CXADR: variants seen among roughly 807,000 people sequenced by gnomAD.
The protein encoded by CXADR is CXADR cell adhesion molecule, also known as coxsackievirus and adenovirus receptor.
In CXADR, 20 loss-of-function variants were observed where a neutral mutation model predicts 40.3. That is an observed-to-expected ratio of 0.50 (90% CI 0.35 to 0.72). CXADR has a LOEUF of 0.72. Among genes scored for constraint, CXADR ranks in the 30% least tolerant of loss-of-function variants. CXADR has a pLI of 0.01. For synonymous variants in CXADR, 150 were observed against 161.3 expected, an observed-to-expected ratio of 0.93 and a Z score of 0.53; for missense variants, 332 against 449.1, an observed-to-expected ratio of 0.74 and a Z score of 2.36.
downstream of CXADR, among the ~76,000 whole-genome samples, chr21:17,571,540 T>G (rs17833677): frequency 3.3e-5 from 5 of 152,162 alleles, no homozygotes; most frequent in African/African-American, 9.7e-5. Flanking sequence ...ATGAAGTAAC[T>G]TATTATTCAG....
intron 1 of CXADR, among the ~76,000 whole-genome samples, chr21:17,517,388 C>G (rs1021667615): frequency 7.2e-5 from 11 of 152,110 alleles, no homozygotes; most frequent in African/African-American, 2.7e-4. Flanking sequence ...ATAGTAAGAT[C>G]CAACCCAGAG....
rs576230651 is a variant in CXADR, at chr21:17,513,046, C to G, written c.-84C>G. 9.6e-6 allele frequency: 12 copies of G among 1,255,658 alleles called. No homozygotes were observed. The African/African-American group carries it at 1.9e-4, about 20-fold the overall frequency. The allele number at this position is 1,255,658 out of a possible 1,614,324, so 77.8% of individuals were successfully genotyped here. On this transcript the variant is annotated 5_prime_UTR_variant, in exon 1 of 7. Transcript: ENST00000284878. ...GGTGCCGCCGCCGCCGCGAGCCAGT[C>G]GGGAGCGCGCGAGGCGCGGGGAGCC...
Position 17,570,053 on chromosome 21 carries a change from C to G in CXADR, c.*4361C>G, listed in dbSNP as rs2061264514. On this transcript the variant is annotated 3_prime_UTR_variant, in exon 7 of 7. Transcript: ENST00000284878. ...AATTTGTTAAGAAAAACAACTTGCT[C>G]TAGTTTTGTGACCTTGTGTACTTTT... The G allele has an allele frequency of 1.0e-6, 1 of 985,278 alleles. No individual in the cohort carries two copies. Among genetic ancestry groups the G allele is most frequent in the Non-Finnish European group, 1.2e-6 (1 of 829,928 alleles). The allele number at this position is 985,278 out of a possible 1,614,324, so 61.0% of individuals were successfully genotyped here.
At chr21:17,521,046 C>T (rs916899355) in intron 1 of CXADR, among the ~76,000 whole-genome samples, 29 of 152,074 alleles carry the variant, frequency 1.9e-4, no homozygotes, top group African/African-American at 7.0e-4. Context: ...TGTTAGGTGG[C>T]GTCTGTATAA....
chr21:17,588,318 C>T (rs975933322), intron 7 of CXADR, among the ~76,000 whole-genome samples: 2 of 152,124 alleles, frequency 1.3e-5, no homozygotes, highest in Admixed American at 6.6e-5. Context: ...TATAAATTGC[C>T]TTGGGCAGTA....
At chr21:17,585,525 T>C (rs1221297106) in intron 7 of CXADR, among the ~76,000 whole-genome samples, 2 of 150,334 alleles carry the variant, frequency 1.3e-5, no homozygotes, top group African/African-American at 5.0e-5. Flanking sequence ...TGTTTAATTA[T>C]TATTTTTTTT....
At chr21:17,624,880 G>C in the CXADR span, among the ~76,000 whole-genome samples, 1 of 152,214 alleles carries the variant, frequency 6.6e-6, no homozygotes, top group African/African-American at 2.4e-5. Context: ...CCTTGCCCAG[G>C]TATCACCAGA....
intron 7 of CXADR, among the ~76,000 whole-genome samples, chr21:17,578,675 A>G (rs2061338513): frequency 6.6e-6 from 1 of 152,178 alleles, no homozygotes; most frequent in Non-Finnish European, 1.5e-5. Flanking sequence ...CAAAAAATAT[A>G]AAAATTAGCC....
intron 1 of CXADR, chr21:17,542,012 G>T: frequency 2.7e-6 from 1 of 365,594 alleles, no homozygotes; most frequent in Non-Finnish European, 5.3e-6. Context: ...TATTTTGCCT[G>T]AAACAATTAT....
In CXADR at chr21:17,575,169, T is replaced by A. The variant is rs559536351; in HGVS notation, c.1017+9558T>A. ...TGCTCCTGTTGGGAAGGCTTTTCTG[T>A]TTTTTGTTTTGTTTGGTTTTGTTTG... On this transcript the variant is annotated intron_variant, in intron 7 of 7. Coordinates refer to the CXADR transcript ENST00000400169. Among the ~76,000 whole-genome samples the A allele has an allele frequency of 1.4e-4, 22 of 151,740 alleles. 1 individual carries two copies. In the South Asian group the frequency reaches 2.7e-3, roughly 19 times the overall value.
chr21:17,565,650 T>A lies in CXADR; in HGVS notation c.1056T>A (p.Pro352=), dbSNP rs773806068. The change falls in exon 7 of 7, where the codon CCT becomes CCA. Residue 352 remains proline (P), a synonymous_variant. Transcript: ENST00000284878. ...ATCTAAGTCGAATGGGTGCGATTCC[T>A]GTGATGATTCCAGCACAGAGCAAGG... ...APNLSRMGAI[P]VMIPAQSKDG... 2 of 1,612,072 alleles carry A rather than the reference T, an allele frequency of 1.2e-6. No homozygotes were observed. Among genetic ancestry groups the A allele is most frequent in the East Asian group, 4.5e-5 (2 of 44,872 alleles).
At chr21:17,532,054 C>T (rs141885574) in intron 1 of CXADR, among the ~76,000 whole-genome samples, 54 of 151,976 alleles carry the variant, frequency 3.6e-4, no homozygotes, top group African/African-American at 1.2e-3. Flanking sequence ...CCTCAGTCTC[C>T]GTAGTAGCTG....
In CXADR at chr21:17,567,089, A is replaced by C. The variant is rs1260537985; in HGVS notation, c.*1397A>C. ...CCCTTAAGATTGTGAGGGAGTGTGGATACAGTAGAATGAGCCAACAGTTTC... is the reference window on the plus strand; with the variant it reads ...CCCTTAAGATTGTGAGGGAGTGTGGCTACAGTAGAATGAGCCAACAGTTTC... On this transcript the variant is annotated 3_prime_UTR_variant, in exon 7 of 7. Coordinates refer to ENST00000284878, the MANE Select transcript of CXADR (RefSeq NM_001338.5). 1.0e-6 allele frequency: 1 copy of C among 982,090 alleles called. No homozygotes were observed. The highest frequency in any genetic ancestry group is 1.7e-5 in the African/African-American group (1 of 57,192). The allele number at this position is 982,090 out of a possible 1,614,324, so 60.8% of individuals were successfully genotyped here.
chr21:17,628,799 G>T, the CXADR span, among the ~76,000 whole-genome samples: 1 of 151,978 alleles, frequency 6.6e-6, no homozygotes, highest in Non-Finnish European at 1.5e-5. Context: ...CACCGTGCCC[G>T]GCCAATGTCC....
chr21:17,569,808 T>G lies in CXADR; in HGVS notation c.*4116T>G. 1 of 985,410 alleles carries G rather than the reference T, an allele frequency of 1.0e-6. No homozygotes were observed. The highest frequency in any genetic ancestry group is 1.7e-5 in the African/African-American group (1 of 57,372). 61.0% of individuals were successfully genotyped at this position (985,410 alleles called of 1,614,324 possible). A position where few individuals can be genotyped will look rare whatever the true frequency, so the allele number is the denominator to read the frequency against. On this transcript the variant is annotated 3_prime_UTR_variant, in exon 7 of 7. Coordinates refer to ENST00000284878, the MANE Select transcript of CXADR (RefSeq NM_001338.5). ...GAACTTTGTGTTTTCTGCTAACTTA[T>G]TTAATGACACAAGTTTTAAGAGAAC...
At chr21:17,537,823 G>C (rs910823645) in intron 1 of CXADR, among the ~76,000 whole-genome samples, 2 of 152,114 alleles carry the variant, frequency 1.3e-5, no homozygotes, top group Non-Finnish European at 2.9e-5. Context: ...AGTCAAATGT[G>C]AAATAGTCCC....
chr21:17,583,289 T>G (rs1360863000), intron 7 of CXADR, among the ~76,000 whole-genome samples: 7 of 152,196 alleles, frequency 4.6e-5, no homozygotes, highest in African/African-American at 1.7e-4. Context: ...TGGTTTAAAC[T>G]TCTTGTAATG....
intron 4 of CXADR, 61 bp downstream of exon 4, chr21:17,559,192 G>T (rs945303601): frequency 7.2e-6 from 11 of 1,526,396 alleles, no homozygotes; most frequent in Admixed American, 1.7e-5. Context: ...TCTAGTAGGG[G>T]TGTGTGTGTG....
chr21:17,522,376 G>C (rs913354933), intron 1 of CXADR, among the ~76,000 whole-genome samples: 4 of 152,050 alleles, frequency 2.6e-5, no homozygotes, highest in Non-Finnish European at 5.9e-5. Flanking sequence ...GTGAACTCCC[G>C]ACCTCAGGTG....
Sources: allele counts gnomAD v4.1 joint callset (sites outside exome capture counted in the v4.1 genomes callset), GRCh38; gene constraint gnomAD v4.1.1; transcripts MANE v1.5; gene names NCBI Gene and HGNC (gene_info 2026-07-23, HGNC 2026-07-21).